The following SEL1L variants were observed in gnomAD, a reference collection of about 807,000 sequenced individuals.
SEL1L encodes SEL1L adaptor subunit of SYVN1 ubiquitin ligase, also known as protein sel-1 homolog 1.
In SEL1L, 52 loss-of-function variants were observed where a neutral mutation model predicts 109.8. The observed-to-expected ratio is 0.47, with a 90% confidence interval of 0.38 to 0.60. SEL1L has a LOEUF of 0.60. SEL1L is among the 20% of genes least tolerant of loss of function. SEL1L has a pLI of 0.00. For synonymous variants in SEL1L, 373 were observed against 339.6 expected (o/e 1.10, Z -1.08); for missense variants, 749 against 962.2 (o/e 0.78, Z 2.93).
intron 6 of SEL1L, among the ~76,000 whole-genome samples, chr14:81,500,963 T>C (rs1883982901): frequency 6.6e-6 from 1 of 152,170 alleles, no homozygotes; most frequent in Non-Finnish European, 1.5e-5. Context: ...CAAAGGCAGG[T>C]GTGGCAGAGA....
chr14:81,492,016 T>C (rs924281175), intron 12 of SEL1L, among the ~76,000 whole-genome samples: 3 of 152,096 alleles, frequency 2.0e-5, no homozygotes, highest in African/African-American at 7.2e-5. Flanking sequence ...AACATACTGA[T>C]GAGCAAACAC....
intron 12 of SEL1L, among the ~76,000 whole-genome samples, chr14:81,492,084 G>A (rs778251608): frequency 2.0e-5 from 3 of 151,328 alleles, no homozygotes; most frequent in Admixed American, 6.6e-5. Context: ...GTGCAGTGGC[G>A]TGGTCTCGAC....
At chr14:81,530,393 C>T (rs1185838007) in intron 1 of SEL1L, among the ~76,000 whole-genome samples, 2 of 152,140 alleles carry the variant, frequency 1.3e-5, no homozygotes, top group African/African-American at 2.4e-5. Flanking sequence ...CTCAATCTGT[C>T]AAAAGGGGTA....
chr14:81,494,921 C>G (rs545731311), intron 11 of SEL1L, among the ~76,000 whole-genome samples, 160 bp downstream of exon 11: 1 of 152,196 alleles, frequency 6.6e-6, no homozygotes, highest in Non-Finnish European at 1.5e-5. Context: ...TATTTGTATT[C>G]TTCAGCTTTC....
rs892660527 is a variant in SEL1L, at chr14:81,496,433, G to T, written c.1129-1296C>A. ...AAAAAGGAAACTTACTAGAAGCTGGGAGATACAGTAAGAAATAAAGAGCTG... is the reference window on the plus strand; with the variant it reads ...AAAAAGGAAACTTACTAGAAGCTGGTAGATACAGTAAGAAATAAAGAGCTG... On this transcript the variant is annotated intron_variant, in intron 10 of 20. Coordinates refer to ENST00000336735, the MANE Select transcript of SEL1L (RefSeq NM_005065.6). Among the ~76,000 whole-genome samples, 46 of 152,178 alleles carry T rather than the reference G, an allele frequency of 3.0e-4. 1 individual carries two copies. The highest frequency in any genetic ancestry group is 2.6e-4 in the Admixed American group (4 of 15,282).
Position 81,512,923 on chromosome 14 carries a change from G to C in SEL1L, c.341-6682C>G, listed in dbSNP as rs115229973. Among the ~76,000 whole-genome samples, 1,092 of 152,322 alleles carry C rather than the reference G, an allele frequency of 7.2e-3. 20 individuals carry two copies. The highest frequency in any genetic ancestry group is 0.025 in the African/African-American group (1,056 of 41,554). On this transcript the variant is annotated intron_variant, in intron 3 of 20. Coordinates refer to ENST00000336735, the MANE Select transcript of SEL1L (RefSeq NM_005065.6). The stretch of plus-strand genomic sequence containing the variant: ...TCTTTTGAAAGACCGCTTATCATGT[G>C]GCCCTCGGCTGCTATCTACAAACTT...
At chr14:81,523,886 A>C (rs536158615) in intron 3 of SEL1L, among the ~76,000 whole-genome samples, 1 of 152,332 alleles carries the variant, frequency 6.6e-6, no homozygotes, top group Non-Finnish European at 1.5e-5. Context: ...AAAGAAAAAC[A>C]CACCTTGGTT....
At chr14:81,479,982 A>G (rs1903296421) in intron 19 of SEL1L, among the ~76,000 whole-genome samples, 1 of 152,206 alleles carries the variant, frequency 6.6e-6, no homozygotes, top group Non-Finnish European at 1.5e-5. Context: ...TTTGCTGTGT[A>G]GATATGCTGC....
intron 3 of SEL1L, among the ~76,000 whole-genome samples, chr14:81,510,514 C>CTATATATATATATATATA (rs1555346599): frequency 1.2e-4 from 13 of 104,080 alleles, no homozygotes; most frequent in Admixed American, 2.1e-4. Flanking sequence ...CTCTCTCTCT[C>CTATATATATATATATATA]TATATATATA....
intron 3 of SEL1L, among the ~76,000 whole-genome samples, chr14:81,510,500 CTCTCTCTCTCTCTCTATA>C (rs1356362989): frequency 7.9e-6 from 1 of 126,224 alleles, no homozygotes; most frequent in Non-Finnish European, 1.7e-5. Context: ...CTCTCTCTCT[CTCTCTCTCTCTCTCTATA>C]TATATATATA....
At chr14:81,486,538 A>T in intron 16 of SEL1L, 84 bp from the exon 17 acceptor site, 1 of 1,346,946 alleles carries the variant, frequency 7.4e-7, no homozygotes. Context: ...TTGGTTACAC[A>T]TGACTATTAA....
chr14:81,472,521 C>A lies in SEL1L; in HGVS notation c.*4451G>T. On this transcript the variant is annotated 3_prime_UTR_variant, in exon 21 of 21. Coordinates refer to ENST00000336735, the MANE Select transcript of SEL1L (RefSeq NM_005065.6). ...TTTTTCATTTCTCCTTTACTCAGAG[C>A]ATATTTAGTCTAAATGTTACTGTGT... 1 of 406,096 alleles carries A rather than the reference C, an allele frequency of 2.5e-6. No homozygotes were observed. Among genetic ancestry groups the A allele is most frequent in the South Asian group, 1.8e-5 (1 of 54,962 alleles). 25.2% of individuals were successfully genotyped at this position (406,096 alleles called of 1,614,324 possible).
At position 81,473,567 on chromosome 14, in the gene SEL1L, G is replaced by A. The variant is rs762659070; in HGVS notation, c.*3405C>T. On this transcript the variant is annotated 3_prime_UTR_variant, in exon 21 of 21. Transcript: ENST00000336735. ...TACATACTTCTAGTCATAATAATGT[G>A]TAATACATATATATATTATGAGATT... is the stretch of plus-strand genomic sequence containing the variant. 1.3e-5 allele frequency: 2 copies of A among 152,138 alleles called. No homozygotes were observed. Among genetic ancestry groups the A allele is most frequent in the Non-Finnish European group, 2.9e-5 (2 of 67,998 alleles). The allele number at this position is 152,138 out of a possible 1,614,324, so 9.4% of individuals were successfully genotyped here.
intron 20 of SEL1L, 121 bp from the exon 21 acceptor site, chr14:81,477,302 A>ACTGTGT: frequency 1.2e-5 from 5 of 403,978 alleles, no homozygotes; most frequent in Non-Finnish European, 2.2e-5. Flanking sequence ...AACGTTTTGC[A>ACTGTGT]ATGTGTGTGT....
At chr14:81,529,939 GCAA>G (rs1431985435) in intron 1 of SEL1L, among the ~76,000 whole-genome samples, 1 of 152,154 alleles carries the variant, frequency 6.6e-6, no homozygotes, top group African/African-American at 2.4e-5. Flanking sequence ...CAGATATCAA[GCAA>G]CAAGAAAAAA....
chr14:81,479,421 C>A, intron 20 of SEL1L, 191 bp downstream of exon 20: 1 of 401,622 alleles, frequency 2.5e-6, no homozygotes. Flanking sequence ...CTAAAAACTG[C>A]AGTAGCTGCT....
chr14:81,493,837 G>A lies in SEL1L; in HGVS notation c.1185+1244C>T, dbSNP rs574067736. On this transcript the variant is annotated intron_variant, in intron 11 of 20. Transcript: ENST00000336735. ...CAGAGTCCATCATGGCTTCCTTCTC[G>A]ACAGACTCTTAGCTTGGCTAACAAG... Among the ~76,000 whole-genome samples the A allele has an allele frequency of 1.6e-4, 25 of 152,116 alleles. No homozygotes were observed. The South Asian group carries it at 2.9e-3, about 18-fold the overall frequency.
At position 81,485,703 on chromosome 14, in the gene SEL1L, A is replaced by G; in HGVS notation, c.1842T>C (p.Ala614=). 6.2e-7 allele frequency: 1 copy of G among 1,614,108 alleles called. No individual in the cohort carries two copies. Among genetic ancestry groups the G allele is most frequent in the Non-Finnish European group, 8.5e-7 (1 of 1,179,986 alleles). ...AGGCGGCCCTGTTCCAATGTAGCAA[A>G]GCTCTGGGATAAGTTTCATTCTCAC... ...IVGENETYPR[A]LLHWNRAASQ... The change falls in exon 18 of 21, where the codon GCT becomes GCC. Residue 614 remains alanine, a synonymous_variant. Transcript: ENST00000336735.
chr14:81,493,392 C>A (rs910862463), intron 11 of SEL1L, among the ~76,000 whole-genome samples: 17 of 152,094 alleles, frequency 1.1e-4, no homozygotes, highest in African/African-American at 3.6e-4. Context: ...CACCTGTATT[C>A]CCAGCTACTC....
Sources: gnomAD v4.1 joint callset for allele counts (sites outside exome capture counted in the v4.1 genomes callset) on GRCh38, gnomAD v4.1.1 for gene constraint, MANE v1.5 for transcripts, NCBI Gene and HGNC (gene_info 2026-07-23, HGNC 2026-07-21) for gene names.